Variants in MYLK4 observed in about 807,000 individuals in gnomAD.
MYLK4 encodes the protein myosin light chain kinase family member 4.
Under a neutral mutation model 48.1 loss-of-function variants are expected in MYLK4, and 46 were observed. That is an observed-to-expected ratio of 0.96 (90% CI 0.75 to 1.22). The LOEUF (loss-of-function observed/expected upper bound fraction) is 1.22. Ranked by LOEUF, MYLK4 falls within the 50% of genes most tolerant of loss-of-function variation. The pLI is 0.00. For synonymous variants in MYLK4, 170 were observed against 180.8 expected (o/e 0.94, Z 0.48); for missense variants, 451 against 486.1 (o/e 0.93, Z 0.68).
chr6:2,711,530 G>A (rs569058778), intron 2 of MYLK4, among the ~76,000 whole-genome samples: 32 of 152,264 alleles, frequency 2.1e-4, no homozygotes, highest in African/African-American at 7.7e-4. Flanking sequence ...TGAAATGGGG[G>A]GAAGATGCTC....
rs1561878065 is a variant in MYLK4 at position 2,737,987 on chromosome 6, GGGGGT to G, written c.159+11144_159+11148del. ...GTGGGGTGCCGGGGGCGGGTGGGGG[GGGGGT>G]GGTCAATGTTATTAACCCCAGATGA... On this transcript the variant is annotated intron_variant, in intron 2 of 12. Transcript: ENST00000274643. Among the ~76,000 whole-genome samples, 25 of 118,972 alleles carry G rather than the reference GGGGGT, an allele frequency of 2.1e-4. 8 individuals carry two copies. The East Asian group carries it at 3.0e-3, about 14-fold the overall frequency. The allele number at this position is 118,972 out of a possible 152,430, so 78.1% of individuals were successfully genotyped here.
At chr6:2,726,557 T>C (rs1211242285) in intron 2 of MYLK4, among the ~76,000 whole-genome samples, 1 of 151,254 alleles carries the variant, frequency 6.6e-6, no homozygotes, top group Non-Finnish European at 1.5e-5. Flanking sequence ...GCCAGGGAAC[T>C]CCAAACTAAA....
chr6:2,691,576 T>C (rs1298523835), intron 3 of MYLK4, among the ~76,000 whole-genome samples: 1 of 152,244 alleles, frequency 6.6e-6, no homozygotes, highest in Non-Finnish European at 1.5e-5. Flanking sequence ...TTATTTATAA[T>C]GGAGTAGGTA....
At chr6:2,722,389 A>G (rs987430758) in intron 2 of MYLK4, among the ~76,000 whole-genome samples, 1 of 152,232 alleles carries the variant, frequency 6.6e-6, no homozygotes, top group Non-Finnish European at 1.5e-5. Context: ...AGTGCTTTAC[A>G]TAGCTTTCAG....
intron 2 of MYLK4, among the ~76,000 whole-genome samples, chr6:2,729,807 A>G (rs1032605101): frequency 6.6e-6 from 1 of 152,056 alleles, no homozygotes; most frequent in Admixed American, 6.5e-5. Flanking sequence ...GACCTATATG[A>G]AGGCAGTGGC....
upstream of MYLK4, among the ~76,000 whole-genome samples, chr6:2,754,488 C>T (rs540944809): frequency 6.6e-6 from 1 of 151,678 alleles, no homozygotes; most frequent in African/African-American, 2.4e-5. Flanking sequence ...AATCTATAGA[C>T]GTAGAAAGCA....
At chr6:2,717,388 A>G (rs1204523357) in intron 2 of MYLK4, among the ~76,000 whole-genome samples, 1 of 152,252 alleles carries the variant, frequency 6.6e-6, no homozygotes, top group African/African-American at 2.4e-5. Context: ...CAGAGCAGAC[A>G]TGCAGAATGC....
At chr6:2,670,281 G>A (rs555000614) in intron 12 of MYLK4, among the ~76,000 whole-genome samples, 7 of 152,246 alleles carry the variant, frequency 4.6e-5, no homozygotes, top group African/African-American at 7.2e-5. Context: ...CAGGAGAATC[G>A]CTTGAACCTG....
At chr6:2,756,775 A>C in the MYLK4 span, among the ~76,000 whole-genome samples, 24,065 of 152,258 alleles carry the variant, frequency 0.16, 1,972 homozygotes, top group South Asian at 0.25. Flanking sequence ...GTGACTATCC[A>C]TTCTAAACAA....
chr6:2,694,563 G>GCGA (rs1761975524), intron 2 of MYLK4, among the ~76,000 whole-genome samples: 4 of 121,660 alleles, frequency 3.3e-5, no homozygotes, highest in East Asian at 5.5e-4. Flanking sequence ...AGTCGTGGTG[G>GCGA]TAGTGGTAGT....
At position 2,665,575 on chromosome 6, in the gene MYLK4, G is replaced by A. The variant is rs1002512421; in HGVS notation, c.*2350C>T. On this transcript the variant is annotated 3_prime_UTR_variant, in exon 13 of 13. Transcript: ENST00000274643. ...TGCATTAACTTGGCAAAGAAATCAT[G>A]CCTGTATTTGGCCTGAGCTGTCTCT... is the stretch of plus-strand genomic sequence containing the variant. The A allele has an allele frequency of 6.6e-5, 10 of 152,226 alleles. No individual in the cohort carries two copies. The highest frequency in any genetic ancestry group is 2.4e-4 in the African/African-American group (10 of 41,458). The allele number at this position is 152,226 out of a possible 1,614,324, so 9.4% of individuals were successfully genotyped here.
chr6:2,727,593 T>G (rs1025719878), intron 2 of MYLK4, among the ~76,000 whole-genome samples: 3 of 152,186 alleles, frequency 2.0e-5, no homozygotes, highest in Non-Finnish European at 2.9e-5. Flanking sequence ...GAAGTTTTAA[T>G]TTCATAGGCC....
the MYLK4 span, among the ~76,000 whole-genome samples, chr6:2,761,721 A>C: frequency 6.6e-6 from 1 of 152,186 alleles, no homozygotes; most frequent in African/African-American, 2.4e-5. Context: ...AGGTTCTTGA[A>C]GTCAAGGTCT....
chr6:2,669,072 TAA>T (rs145455007), intron 12 of MYLK4, among the ~76,000 whole-genome samples: 1 of 148,620 alleles, frequency 6.7e-6, no homozygotes, highest in South Asian at 2.1e-4. Flanking sequence ...TGTCTCTAAT[TAA>T]AAAAAAAACA....
At chr6:2,682,299 G>A (rs1163171662) in intron 7 of MYLK4, among the ~76,000 whole-genome samples, 2 of 152,238 alleles carry the variant, frequency 1.3e-5, no homozygotes, top group Non-Finnish European at 2.9e-5. Context: ...CTTGATCAGG[G>A]TTGTTGGGCC....
upstream of MYLK4, among the ~76,000 whole-genome samples, chr6:2,754,795 CAT>C (rs113825043): frequency 7.6e-3 from 1,159 of 152,276 alleles, 17 homozygotes; most frequent in African/African-American, 0.027. Flanking sequence ...TCCAGGGAAA[CAT>C]AAATTATATT....
intron 3 of MYLK4, among the ~76,000 whole-genome samples, chr6:2,692,408 G>T (rs1201063847): frequency 6.6e-6 from 1 of 152,112 alleles, no homozygotes; most frequent in Non-Finnish European, 1.5e-5. Context: ...GAGGAGAGCT[G>T]ATTCTTCTGG....
the MYLK4 span, among the ~76,000 whole-genome samples, chr6:2,763,361 A>C: frequency 6.6e-6 from 1 of 152,214 alleles, no homozygotes; most frequent in Non-Finnish European, 1.5e-5. Flanking sequence ...GGGGTGGTGA[A>C]CGGCCCTGGG....
At chr6:2,757,139 C>T in the MYLK4 span, among the ~76,000 whole-genome samples, 3 of 144,232 alleles carry the variant, frequency 2.1e-5, no homozygotes, top group East Asian at 4.0e-4. Flanking sequence ...CAGAGGTGTG[C>T]TTTTTTTTTT....
Sources: allele counts gnomAD v4.1 joint callset (sites outside exome capture counted in the v4.1 genomes callset), GRCh38; gene constraint gnomAD v4.1.1; transcripts MANE v1.5; gene names NCBI Gene and HGNC (gene_info 2026-07-23, HGNC 2026-07-21).